The following DCC variants were observed in gnomAD, a reference collection of about 807,000 sequenced individuals.
The protein encoded by DCC is DCC netrin 1 receptor.
In DCC, 58 loss-of-function variants were observed where a neutral mutation model predicts 172.5. The ratio of observed to expected loss-of-function variants is 0.34; its 90% CI spans 0.27 to 0.42. The LOEUF is 0.42. DCC is among the 10% of genes least tolerant of loss of function. DCC has a pLI of 1.00. For synonymous variants in DCC, 709 were observed against 644.5 expected (o/e 1.10, Z -1.52); for missense variants, 1,740 against 1,791.0 (o/e 0.97, Z 0.51).
chr18:53,340,654 C>T (rs1017760422), intron 15 of DCC, among the ~76,000 whole-genome samples: 1 of 152,084 alleles, frequency 6.6e-6, no homozygotes, highest in African/African-American at 2.4e-5. Flanking sequence ...GATCTGATTT[C>T]CCATAGTGCT....
At chr18:53,395,150 C>CAAAA (rs35414902) in intron 17 of DCC, among the ~76,000 whole-genome samples, 2 of 125,250 alleles carry the variant, frequency 1.6e-5, no homozygotes, top group African/African-American at 3.3e-5. Flanking sequence ...AACTCCATCT[C>CAAAA]AAAAAAAAAA....
chr18:52,432,122 A>G (rs1422994690), intron 1 of DCC, among the ~76,000 whole-genome samples: 3 of 152,110 alleles, frequency 2.0e-5, no homozygotes, highest in African/African-American at 7.2e-5. Flanking sequence ...CTTTGAAATC[A>G]CTGCTGCTCC....
At chr18:52,508,116 T>C (rs1482440247) in intron 1 of DCC, among the ~76,000 whole-genome samples, 1 of 151,760 alleles carries the variant, frequency 6.6e-6, no homozygotes, top group Non-Finnish European at 1.5e-5. Context: ...AAAAAATTAT[T>C]ATTATTATTT....
chr18:52,868,373 C>T (rs1037675790), intron 2 of DCC, among the ~76,000 whole-genome samples: 1 of 152,118 alleles, frequency 6.6e-6, no homozygotes, highest in Non-Finnish European at 1.5e-5. Context: ...GCTAAGATTG[C>T]CAAAGTCTTC....
chr18:53,179,768 TC>T (rs1300195798), intron 9 of DCC, among the ~76,000 whole-genome samples: 1 of 152,206 alleles, frequency 6.6e-6, no homozygotes, highest in African/African-American at 2.4e-5. Context: ...GAAAACTATT[TC>T]TGTACTTGAC....
chr18:52,401,584 G>T (rs1986443504), intron 1 of DCC, among the ~76,000 whole-genome samples: 2 of 151,954 alleles, frequency 1.3e-5, no homozygotes, highest in Non-Finnish European at 2.9e-5. Context: ...AGTGAAAATG[G>T]CCCTGTCCTC....
intron 7 of DCC, among the ~76,000 whole-genome samples, chr18:53,114,118 C>T (rs117027052): frequency 2.6e-5 from 4 of 151,578 alleles, no homozygotes; most frequent in Admixed American, 2.6e-4. Flanking sequence ...CCTTTGCAAT[C>T]GTAACTTGTG....
chr18:52,754,778 A>C (rs765137952), intron 2 of DCC, among the ~76,000 whole-genome samples: 66 of 152,184 alleles, frequency 4.3e-4, no homozygotes, highest in Non-Finnish European at 7.3e-4. Flanking sequence ...TGCACTTGAA[A>C]GTCCCATATC....
At chr18:53,052,054 A>G (rs2042341266) in intron 5 of DCC, among the ~76,000 whole-genome samples, 1 of 151,852 alleles carries the variant, frequency 6.6e-6, no homozygotes, top group Middle Eastern at 3.4e-3. Flanking sequence ...CTTCTCATTT[A>G]CATTCACTCT....
At chr18:53,420,894 G>C (rs1463227409) in intron 21 of DCC, among the ~76,000 whole-genome samples, 2 of 152,056 alleles carry the variant, frequency 1.3e-5, no homozygotes, top group East Asian at 3.9e-4. Flanking sequence ...ATTTTACCCA[G>C]GATCACAGAA....
intron 1 of DCC, among the ~76,000 whole-genome samples, chr18:52,564,668 G>GA (rs1491282705): frequency 2.4e-5 from 1 of 41,554 alleles, no homozygotes; most frequent in Non-Finnish European, 4.8e-5. Context: ...TTATAATATT[G>GA]GGGGGGGGGG....
chr18:53,314,677 C>CT (rs2057323434), intron 13 of DCC, among the ~76,000 whole-genome samples: 1 of 152,026 alleles, frequency 6.6e-6, no homozygotes, highest in African/African-American at 2.4e-5. Flanking sequence ...CTTAACCTAG[C>CT]TTTTTTAGGT....
intron 12 of DCC, among the ~76,000 whole-genome samples, chr18:53,219,335 T>G (rs944004034): frequency 1.3e-5 from 2 of 152,074 alleles, no homozygotes; most frequent in African/African-American, 4.8e-5. Context: ...TCTCAACCAT[T>G]TTACTGTTAA....
At chr18:53,512,447 C>A (rs1282152306) in intron 27 of DCC, among the ~76,000 whole-genome samples, 1 of 151,416 alleles carries the variant, frequency 6.6e-6, no homozygotes, top group South Asian at 2.1e-4. Flanking sequence ...AGCAACGGAA[C>A]AAAGCTGGAT....
rs1568190387 is a variant in DCC at position 52,925,237 on chromosome 18, TAA to T, written c.856_857del (p.Lys286ValfsTer17). The T allele has an allele frequency of 6.2e-7, 1 of 1,612,162 alleles. No homozygotes were observed. The highest frequency in any genetic ancestry group is 8.5e-7 in the Non-Finnish European group (1 of 1,178,556). On this transcript the variant is annotated frameshift_variant, in exon 5 of 29. Coordinates refer to ENST00000442544, the MANE Select transcript of DCC (RefSeq NM_005215.4). LOFTEE classifies it high-confidence loss of function. ...RGEEVIQLRS[K>X]KYSLLGGSNL... is the part of the protein sequence containing the mutation. The stretch of plus-strand genomic sequence containing the variant: ...GCACCTTCCCTATGTCTTGCAGGTC[TAA>T]AAAGTATTCTTTATTGGGTGGAAGC...
chr18:53,185,318 T>G (rs557984634), intron 9 of DCC, among the ~76,000 whole-genome samples: 1 of 152,294 alleles, frequency 6.6e-6, no homozygotes. Context: ...GGTTGTTTAA[T>G]CACCTCTAGA....
At chr18:52,771,490 G>C (rs1231870111) in intron 2 of DCC, among the ~76,000 whole-genome samples, 1 of 152,056 alleles carries the variant, frequency 6.6e-6, no homozygotes, top group African/African-American at 2.4e-5. Context: ...CTCTATGGAG[G>C]GACAGATAAG....
chr18:53,488,383 TA>T (rs1409874303), intron 26 of DCC, among the ~76,000 whole-genome samples: 1 of 151,280 alleles, frequency 6.6e-6, no homozygotes, highest in African/African-American at 2.4e-5. Flanking sequence ...TATTTCAAAT[TA>T]AAAAAAAAGA....
At chr18:53,521,848 A>C (rs1434712431) in intron 27 of DCC, among the ~76,000 whole-genome samples, 2 of 152,122 alleles carry the variant, frequency 1.3e-5, no homozygotes, top group African/African-American at 4.8e-5. Flanking sequence ...AAATAAGTAA[A>C]AGATGTGTGA....
Sources: allele counts gnomAD v4.1 joint callset (sites outside exome capture counted in the v4.1 genomes callset), GRCh38; gene constraint gnomAD v4.1.1; transcripts MANE v1.5; gene names NCBI Gene and HGNC (gene_info 2026-07-23, HGNC 2026-07-21).